MSRB3: variants seen among roughly 807,000 people sequenced by gnomAD.
The protein encoded by MSRB3 is methionine sulfoxide reductase B3.
A neutral mutation model predicts 21.0 loss-of-function variants in MSRB3; 13 were observed. The observed-to-expected ratio is 0.62, with a 90% CI of 0.40 to 0.98. The LOEUF is 0.98. MSRB3 is among the 50% of genes least tolerant of loss of function. The probability of loss-of-function intolerance (pLI) is 0.00; values close to 1 mark genes in which losing one functional copy is unlikely to be tolerated. For missense variants in MSRB3, 199 were observed against 230.3 expected, an observed-to-expected ratio of 0.86 and a Z score of 0.88; for synonymous variants, 87 against 88.6, an observed-to-expected ratio of 0.98 and a Z score of 0.10.
intron 4 of MSRB3, among the ~76,000 whole-genome samples, chr12:65,357,348 T>C (rs1877445355): frequency 6.6e-6 from 1 of 151,944 alleles, no homozygotes. Flanking sequence ...TGAACTATTA[T>C]AAGCCTGTCT....
intron 5 of MSRB3, among the ~76,000 whole-genome samples, chr12:65,412,465 A>G (rs1450005427): frequency 6.6e-6 from 1 of 152,194 alleles, no homozygotes; most frequent in African/African-American, 2.4e-5. Flanking sequence ...CTCAATAGTT[A>G]AGATTGAAAA....
intron 2 of MSRB3, 100 bp from the exon 3 acceptor site, chr12:65,326,726 G>T: frequency 1.2e-6 from 1 of 847,106 alleles, no homozygotes; most frequent in South Asian, 1.4e-5. Flanking sequence ...TCTGGTCATT[G>T]ACAAGTGACT....
chr12:65,340,784 A>G (rs1370071668), intron 4 of MSRB3, among the ~76,000 whole-genome samples: 1 of 152,056 alleles, frequency 6.6e-6, no homozygotes, highest in Non-Finnish European at 1.5e-5. Context: ...ATTTTAACGT[A>G]AGAGAATACT....
At chr12:65,424,458 T>A (rs1318831485) in intron 5 of MSRB3, among the ~76,000 whole-genome samples, 1 of 152,130 alleles carries the variant, frequency 6.6e-6, no homozygotes, top group Non-Finnish European at 1.5e-5. Flanking sequence ...CTAAGAACTT[T>A]CCTTTTAGAA....
At chr12:65,325,354 GCAGGC>G (rs1429267100) in intron 2 of MSRB3, among the ~76,000 whole-genome samples, 1 of 152,208 alleles carries the variant, frequency 6.6e-6, no homozygotes, top group African/African-American at 2.4e-5. Flanking sequence ...GTGGATCTTT[GCAGGC>G]CAGGGAAGGG....
chr12:65,373,843 A>G (rs1195263587), intron 5 of MSRB3, among the ~76,000 whole-genome samples: 1 of 152,200 alleles, frequency 6.6e-6, no homozygotes, highest in Non-Finnish European at 1.5e-5. Flanking sequence ...AAGGAACAAA[A>G]AGCAGCTAGT....
intron 1 of MSRB3, chr12:65,284,942 A>G (rs1018873818): frequency 6.6e-6 from 1 of 152,152 alleles, no homozygotes; most frequent in African/African-American, 2.4e-5. Context: ...ATCTTTCTTC[A>G]GATAAAGGAC....
chr12:65,465,404 A>G lies in MSRB3; in HGVS notation c.*2082A>G, dbSNP rs1373675837. On this transcript the variant is annotated 3_prime_UTR_variant, in exon 7 of 7. Transcript: ENST00000308259. ...TGTAACTCTTTGAAAGTTTATGAAG[A>G]CTGACAGCTTTCCTTGTAAGCACTA... is the stretch of plus-strand genomic sequence containing the variant. The G allele has an allele frequency of 6.6e-6, 1 of 152,208 alleles. No individual in the cohort carries two copies. Among genetic ancestry groups the G allele is most frequent in the Non-Finnish European group, 1.5e-5 (1 of 68,042 alleles). The allele number at this position is 152,208 out of a possible 1,614,324, so 9.4% of individuals were successfully genotyped here.
intron 5 of MSRB3, among the ~76,000 whole-genome samples, chr12:65,406,222 T>C (rs1402548070): frequency 6.6e-6 from 1 of 152,222 alleles, no homozygotes; most frequent in Non-Finnish European, 1.5e-5. Context: ...TTTAAGTCTT[T>C]AATCCAGTCT....
intron 2 of MSRB3, among the ~76,000 whole-genome samples, chr12:65,314,206 G>C (rs1874157228): frequency 6.6e-6 from 1 of 151,922 alleles, no homozygotes; most frequent in African/African-American, 2.4e-5. Context: ...TATCCAAATA[G>C]CTGATTTAAC....
intron 4 of MSRB3, among the ~76,000 whole-genome samples, chr12:65,338,104 A>G (rs923682783): frequency 3.3e-5 from 5 of 152,210 alleles, no homozygotes; most frequent in African/African-American, 1.2e-4. Context: ...AAATGATTCA[A>G]GTTGACACTA....
chr12:65,343,363 C>A (rs764518948), intron 4 of MSRB3, among the ~76,000 whole-genome samples: 1 of 151,972 alleles, frequency 6.6e-6, no homozygotes. Context: ...ACTGCTTAAA[C>A]CTTCTGGTTT....
intron 5 of MSRB3, among the ~76,000 whole-genome samples, chr12:65,423,639 T>C (rs1881435778): frequency 6.6e-6 from 1 of 152,326 alleles, no homozygotes; most frequent in African/African-American, 2.4e-5. Context: ...ATGTGGTATA[T>C]CATATTATTG....
chr12:65,403,058 T>C (rs1214410922), intron 5 of MSRB3, among the ~76,000 whole-genome samples: 1 of 152,174 alleles, frequency 6.6e-6, no homozygotes, highest in Non-Finnish European at 1.5e-5. Context: ...CTAAGAAGTG[T>C]CTCCCAGTCA....
intron 1 of MSRB3, among the ~76,000 whole-genome samples, chr12:65,304,922 T>G (rs144327104): frequency 6.6e-6 from 1 of 152,200 alleles, no homozygotes; most frequent in Admixed American, 6.5e-5. Flanking sequence ...CTTTACAGAT[T>G]GTGAAGGTAT....
In MSRB3 at chr12:65,449,051, C is replaced by T. The variant is rs542095523; in HGVS notation, c.293-4677C>T. Among the ~76,000 whole-genome samples, 6 of 152,140 alleles carry T rather than the reference C, an allele frequency of 3.9e-5. No individual in the cohort carries two copies. In the South Asian group the frequency reaches 8.3e-4, roughly 21 times the overall value. ...GAATATTTTATTTTATTTTTTGAGA[C>T]GGAGTCTTGCTCTGTTGCCCAGGCT... On this transcript the variant is annotated intron_variant, in intron 5 of 6. Transcript: ENST00000308259.
At position 65,287,350 on chromosome 12, in the gene MSRB3, A is replaced by C. The variant is rs370672328; in HGVS notation, c.-52+8485A>C. On this transcript the variant is annotated intron_variant, in intron 1 of 6. Coordinates refer to ENST00000308259, the MANE Select transcript of MSRB3 (RefSeq NM_001031679.3). ...CCTATGTTTCCCAGGTAGGTCTTGA[A>C]CTCCTGGACTTAAGCAGTCCTCCCA... Among the ~76,000 whole-genome samples the C allele has an allele frequency of 7.8e-4, 118 of 151,630 alleles. 1 individual carries two copies. The highest frequency in any genetic ancestry group is 2.7e-3 in the African/African-American group (110 of 41,338).
chr12:65,288,867 T>C (rs1404178213), intron 1 of MSRB3, among the ~76,000 whole-genome samples: 4 of 152,240 alleles, frequency 2.6e-5, no homozygotes, highest in Non-Finnish European at 5.9e-5. Context: ...ATTTGATGAT[T>C]TTAAAAAGTA....
intron 4 of MSRB3, among the ~76,000 whole-genome samples, chr12:65,365,116 T>C (rs1001694487): frequency 2.0e-5 from 3 of 151,780 alleles, no homozygotes; most frequent in Admixed American, 2.0e-4. Context: ...TCTATAGACA[T>C]TTTGATCATT....
Sources: allele counts gnomAD v4.1 joint callset (sites outside exome capture counted in the v4.1 genomes callset), GRCh38; gene constraint gnomAD v4.1.1; transcripts MANE v1.5; gene names NCBI Gene and HGNC (gene_info 2026-07-23, HGNC 2026-07-21).